SH3BP5: variants seen among roughly 807,000 people sequenced by gnomAD.
SH3BP5 encodes the protein SH3 domain binding protein 5, also known as SH3 domain-binding protein 5.
SH3BP5 carries 22 observed loss-of-function variants against 43.3 expected under a neutral mutation model. The ratio of observed to expected loss-of-function variants is 0.51; its 90% CI spans 0.36 to 0.73. The LOEUF (loss-of-function observed/expected upper bound fraction) is 0.73, where lower values mean the gene tolerates loss of function less well. SH3BP5 is among the 30% of genes least tolerant of loss of function. The pLI, the probability that SH3BP5 is intolerant of heterozygous loss-of-function variation, is 0.00. For synonymous variants in SH3BP5, 255 were observed against 225.8 expected (o/e 1.13, Z -1.16); for missense variants, 529 against 586.9 (o/e 0.90, Z 1.02).
rs1438312183 is a variant in SH3BP5 at position 15,258,849 on chromosome 3, C to T, written c.871G>A (p.Glu291Lys). 1 of 1,614,072 alleles carries T rather than the reference C, an allele frequency of 6.2e-7. No individual in the cohort carries two copies. Among genetic ancestry groups the T allele is most frequent in the East Asian group, 2.2e-5 (1 of 44,880 alleles). Reference sequence around the variant, plus strand: ...GACTTACCAGAAATGGCATCAGGCTCAGGTTTGCTCCCTGGCAGATCCTCC... The same window carrying T: ...GACTTACCAGAAATGGCATCAGGCTTAGGTTTGCTCCCTGGCAGATCCTCC... Reference protein sequence around the residue: ...SVEDLPGSKPEPDAISVASEA... With the variant: ...SVEDLPGSKPKPDAISVASEA... Residue 291 changes from glutamate (E) to lysine (K), a missense_variant, in exon 7 of 9, where the codon GAG (glutamate) becomes AAG (lysine). Glu to Lys is a moderately conservative substitution (Grantham distance 56). Coordinates refer to ENST00000383791, the MANE Select transcript of SH3BP5 (RefSeq NM_004844.5).
intron 2 of SH3BP5, among the ~76,000 whole-genome samples, chr3:15,314,983 G>GA (rs1039223143): frequency 3.9e-5 from 6 of 152,084 alleles, no homozygotes; most frequent in African/African-American, 1.4e-4. Context: ...CCAGAGGAGG[G>GA]AGAGACAGAC....
At chr3:15,285,330 A>C (rs1288050816) in intron 3 of SH3BP5, among the ~76,000 whole-genome samples, 2 of 152,152 alleles carry the variant, frequency 1.3e-5, no homozygotes, top group African/African-American at 4.8e-5. Context: ...TGAATAATCA[A>C]ACTGTATACA....
At chr3:15,285,129 T>G (rs746145554) in intron 3 of SH3BP5, among the ~76,000 whole-genome samples, 5 of 152,212 alleles carry the variant, frequency 3.3e-5, no homozygotes, top group Non-Finnish European at 7.3e-5. Flanking sequence ...CTGCAAATGT[T>G]TAAGAAATAT....
chr3:15,275,001 C>T (rs1479564789), intron 3 of SH3BP5, among the ~76,000 whole-genome samples: 2 of 152,150 alleles, frequency 1.3e-5, no homozygotes, highest in Non-Finnish European at 2.9e-5. Flanking sequence ...GATTACAATT[C>T]GACAGGAGAT....
chr3:15,341,242 T>C (rs1447401862), exon 1 of SH3BP5: 1 of 152,558 alleles, frequency 6.6e-6, no homozygotes, highest in Non-Finnish European at 1.5e-5. Flanking sequence ...CCACATGGGC[T>C]GTCAGCTGGC....
intron 2 of SH3BP5, among the ~76,000 whole-genome samples, chr3:15,304,944 C>T (rs1327714025): frequency 5.3e-5 from 8 of 151,300 alleles, no homozygotes; most frequent in African/African-American, 1.9e-4. Flanking sequence ...GGAAATTAAG[C>T]CCGTCTCTAC....
At chr3:15,277,671 G>A (rs1478322061) in intron 3 of SH3BP5, among the ~76,000 whole-genome samples, 1 of 152,110 alleles carries the variant, frequency 6.6e-6, no homozygotes, top group African/African-American at 2.4e-5. Context: ...ATGCAGAGAG[G>A]CACGGGGCAG....
chr3:15,333,993 T>A (rs1014799612), upstream of SH3BP5, among the ~76,000 whole-genome samples: 1 of 152,174 alleles, frequency 6.6e-6, no homozygotes, highest in Non-Finnish European at 1.5e-5. Context: ...GAATTGAGCC[T>A]CCAACTTTGC....
At chr3:15,315,129 A>C (rs1255912289) in intron 2 of SH3BP5, among the ~76,000 whole-genome samples, 1 of 152,188 alleles carries the variant, frequency 6.6e-6, no homozygotes, top group Non-Finnish European at 1.5e-5. Context: ...TCAATCAAAC[A>C]GGACACTTTT....
intron 2 of SH3BP5, among the ~76,000 whole-genome samples, chr3:15,324,743 T>C (rs1698417315): frequency 6.6e-6 from 1 of 151,988 alleles, no homozygotes; most frequent in Admixed American, 6.6e-5. Flanking sequence ...ATTTTTCTCC[T>C]GATTTGTGCT....
intron 4 of SH3BP5, among the ~76,000 whole-genome samples, chr3:15,262,975 A>C (rs1259650587): frequency 6.6e-6 from 1 of 152,196 alleles, no homozygotes; most frequent in Non-Finnish European, 1.5e-5. Flanking sequence ...ATATGTATAT[A>C]TAGATATCTA....
At chr3:15,277,793 T>C (rs1697012272) in intron 3 of SH3BP5, among the ~76,000 whole-genome samples, 1 of 149,832 alleles carries the variant, frequency 6.7e-6, no homozygotes, top group Admixed American at 6.6e-5. Flanking sequence ...TTGGGAATGG[T>C]TGGGCTCAGT....
chr3:15,304,009 T>C lies in SH3BP5; in HGVS notation c.330+94A>G, dbSNP rs1031403861. On this transcript the variant is annotated intron_variant, in intron 3 of 8. Coordinates refer to ENST00000383791, the MANE Select transcript of SH3BP5 (RefSeq NM_004844.5). ...ATTTAAGACATATTGGACTCGAGCTTCTAACCTTCAGCAGGTGATACAGTC... is the reference window on the plus strand; with the variant it reads ...ATTTAAGACATATTGGACTCGAGCTCCTAACCTTCAGCAGGTGATACAGTC... 9 of 1,052,058 alleles carry C rather than the reference T, an allele frequency of 8.6e-6. No individual in the cohort carries two copies. In the African/African-American group the frequency reaches 1.3e-4, roughly 15 times the overall value. 65.2% of individuals were successfully genotyped at this position (1,052,058 alleles called of 1,614,324 possible). A position where few individuals can be genotyped will look rare whatever the true frequency, so the allele number is the denominator to read the frequency against.
intron 7 of SH3BP5, among the ~76,000 whole-genome samples, chr3:15,257,856 A>G (rs377721464): frequency 2.2e-4 from 33 of 152,332 alleles, no homozygotes; most frequent in African/African-American, 7.7e-4. Context: ...TTCTCTTTAA[A>G]AACAGCCTTG....
In SH3BP5 at chr3:15,300,254, C is replaced by T. The variant is rs554598406; in HGVS notation, c.330+3849G>A. Among the ~76,000 whole-genome samples, 9 of 152,076 alleles carry T rather than the reference C, an allele frequency of 5.9e-5. 1 individual carries two copies. The East Asian group carries it at 1.4e-3, about 23-fold the overall frequency. On this transcript the variant is annotated intron_variant, in intron 3 of 8. Coordinates refer to ENST00000383791, the MANE Select transcript of SH3BP5 (RefSeq NM_004844.5). ...ATAAATTCTAATTTTTTAATGAAGC[C>T]GAAACCCAAGCTCATGCTGGGATTC...
At chr3:15,304,003 C>T in intron 3 of SH3BP5, 100 bp downstream of exon 3, 7 of 973,678 alleles carry the variant, frequency 7.2e-6, no homozygotes, top group South Asian at 5.5e-5. Flanking sequence ...ATATTGGACT[C>T]GAGCTTCTAA....
At chr3:15,273,156 C>T (rs1183645864) in intron 3 of SH3BP5, 1 of 985,262 alleles carries the variant, frequency 1.0e-6, no homozygotes, top group African/African-American at 1.7e-5. Context: ...GGATGAATCC[C>T]ACAGGATCCT....
chr3:15,335,343 A>G (rs968927648), upstream of SH3BP5, among the ~76,000 whole-genome samples: 1 of 152,150 alleles, frequency 6.6e-6, no homozygotes, highest in Non-Finnish European at 1.5e-5. Flanking sequence ...ATACCACTGC[A>G]TTCCAGCCTG....
chr3:15,280,356 G>A (rs972712342), intron 3 of SH3BP5, among the ~76,000 whole-genome samples: 3 of 152,072 alleles, frequency 2.0e-5, no homozygotes, highest in Non-Finnish European at 4.4e-5. Context: ...GGCCTGAGCT[G>A]GGGGTAGACA....
Sources: allele counts gnomAD v4.1 joint callset (sites outside exome capture counted in the v4.1 genomes callset), GRCh38; gene constraint gnomAD v4.1.1; transcripts MANE v1.5; gene names NCBI Gene and HGNC (gene_info 2026-07-23, HGNC 2026-07-21).